Variants in FAM161A observed in about 807,000 individuals in gnomAD.
FAM161A encodes the protein protein FAM161A.
Under a neutral mutation model 70.9 loss-of-function variants are expected in FAM161A, and 57 were observed. That is an observed-to-expected ratio of 0.80 (90% CI 0.65 to 1.00). The LOEUF is 1.00. FAM161A is among the 50% of genes least tolerant of loss of function. The pLI is 0.00. For missense variants in FAM161A, 880 were observed against 836.0 expected (o/e 1.05, Z -0.65); for synonymous variants, 299 against 295.7 (o/e 1.01, Z -0.12).
the FAM161A span, among the ~76,000 whole-genome samples, chr2:61,807,061 T>C: frequency 6.6e-6 from 1 of 152,198 alleles, no homozygotes; most frequent in Non-Finnish European, 1.5e-5. Flanking sequence ...TTATCTAAGA[T>C]GATTTTCACA....
the FAM161A span, among the ~76,000 whole-genome samples, chr2:61,804,832 A>C: frequency 6.9e-6 from 1 of 145,674 alleles, no homozygotes; most frequent in Non-Finnish European, 1.5e-5. Flanking sequence ...AAGAGAAAGA[A>C]AGAAGGAAGC....
rs752470299 is a variant in FAM161A, at chr2:61,853,865, C to A, written c.177G>T (p.Gly59=). The A allele has an allele frequency of 3.1e-6, 5 of 1,613,930 alleles. No individual in the cohort carries two copies. The highest frequency in any genetic ancestry group is 3.3e-4 in the Middle Eastern group (2 of 6,062). The change falls in exon 1 of 7, where the codon GGG becomes GGT. Residue 59 remains glycine (G), a synonymous_variant. Coordinates refer to ENST00000404929, the MANE Select transcript of FAM161A (RefSeq NM_001201543.2). The part of the protein sequence containing the change: ...EEEEKVAQPA[G]ASADLNTSFS... ...AGTCCCGCCCCAGTATTACCGATGC[C>A]CCAGCGGGCTGAGCCACTTTCTCCT...
downstream of FAM161A, among the ~76,000 whole-genome samples, chr2:61,820,809 G>A (rs1672187402): frequency 1.3e-5 from 2 of 152,162 alleles, no homozygotes; most frequent in Non-Finnish European, 2.9e-5. Flanking sequence ...GATAATTCTT[G>A]ACATTAGGTG....
At chr2:61,814,894 A>G in the FAM161A span, among the ~76,000 whole-genome samples, 1 of 152,150 alleles carries the variant, frequency 6.6e-6, no homozygotes, top group Non-Finnish European at 1.5e-5. Flanking sequence ...CCCCTTCTTA[A>G]GAAATACAGT....
At chr2:61,847,424 C>T (rs11125897) in intron 1 of FAM161A, among the ~76,000 whole-genome samples, 55,314 of 151,980 alleles carry the variant, frequency 0.36, 10,822 homozygotes, top group East Asian at 0.7. Context: ...TCCTACATAT[C>T]TGTACTTGAT....
chr2:61,833,517 AACTGTGATAGAGCTG>A (rs1672661590), intron 5 of FAM161A, among the ~76,000 whole-genome samples: 1 of 152,140 alleles, frequency 6.6e-6, no homozygotes, highest in Non-Finnish European at 1.5e-5. Context: ...ATTCCGATCT[AACTGTGATAGAGCTG>A]ACTGGGAAAC....
At chr2:61,806,275 C>G in the FAM161A span, among the ~76,000 whole-genome samples, 1 of 152,138 alleles carries the variant, frequency 6.6e-6, no homozygotes, top group Admixed American at 6.6e-5. Flanking sequence ...TAGAACCATT[C>G]TTTTGAGGGC....
At chr2:61,834,212 A>G (rs1368534115) in intron 5 of FAM161A, among the ~76,000 whole-genome samples, 1 of 152,184 alleles carries the variant, frequency 6.6e-6, no homozygotes, top group Non-Finnish European at 1.5e-5. Flanking sequence ...CAATATGGAT[A>G]CAGCTGGAAG....
chr2:61,803,165 C>A, the FAM161A span: 85 of 495,652 alleles, frequency 1.7e-4, 1 homozygote, highest in Non-Finnish European at 2.6e-4. Context: ...GTCCTTCATC[C>A]CGGGAAGGCA....
Position 61,825,337 on chromosome 2 carries a change from A to C in FAM161A, c.*1118T>G, listed in dbSNP as rs536906302. On this transcript the variant is annotated 3_prime_UTR_variant, in exon 7 of 7. Coordinates refer to ENST00000404929, the MANE Select transcript of FAM161A (RefSeq NM_001201543.2). ...ACTGGGTCTAGCAGTGAAGAGTTAA[A>C]TCTGAATTACTTTGGAGACTTGCCC... 21 of 454,242 alleles carry C rather than the reference A, an allele frequency of 4.6e-5. No homozygotes were observed. The highest frequency in any genetic ancestry group is 3.6e-4 in the African/African-American group (18 of 50,130). The allele number at this position is 454,242 out of a possible 1,614,324, so 28.1% of individuals were successfully genotyped here. A position where few individuals can be genotyped will look rare whatever the true frequency, so the allele number is the denominator to read the frequency against.
chr2:61,804,576 A>T, the FAM161A span, among the ~76,000 whole-genome samples: 3 of 151,476 alleles, frequency 2.0e-5, no homozygotes, highest in Admixed American at 2.0e-4. Context: ...TCCCAACTAC[A>T]TGGGAGGCTG....
intron 5 of FAM161A, among the ~76,000 whole-genome samples, chr2:61,830,608 C>A (rs1381054818): frequency 6.9e-6 from 1 of 145,296 alleles, no homozygotes; most frequent in East Asian, 2.0e-4. Flanking sequence ...CACTTGAACC[C>A]AGGAGGCAGA....
the FAM161A span, among the ~76,000 whole-genome samples, chr2:61,800,325 A>G: frequency 6.6e-6 from 1 of 152,238 alleles, no homozygotes; most frequent in Non-Finnish European, 1.5e-5. Flanking sequence ...GTCTGCATGC[A>G]TGTAAACAGA....
At chr2:61,836,559 T>C (rs1672781892) in intron 4 of FAM161A, 2 of 156,420 alleles carry the variant, frequency 1.3e-5, no homozygotes, top group East Asian at 3.8e-4. Flanking sequence ...TTTTTATTAT[T>C]ATTTTATTGT....
chr2:61,819,838 ATCT>A, the FAM161A span, among the ~76,000 whole-genome samples: 2 of 152,150 alleles, frequency 1.3e-5, no homozygotes, highest in South Asian at 2.1e-4. Flanking sequence ...GAAGTATACC[ATCT>A]TCTTTTTATT....
chr2:61,836,970 A>G, intron 4 of FAM161A: 1 of 157,710 alleles, frequency 6.3e-6, no homozygotes. Flanking sequence ...GGCTCAAATG[A>G]TCCTCCCACC....
chr2:61,815,436 C>T, the FAM161A span, among the ~76,000 whole-genome samples: 2 of 151,614 alleles, frequency 1.3e-5, no homozygotes, highest in South Asian at 4.2e-4. Flanking sequence ...CTGTGTTGCC[C>T]CAGGAAAGTG....
Position 61,827,176 on chromosome 2 carries a change from T to A in FAM161A, c.1934A>T (p.Lys645Ile), listed in dbSNP as rs1672399347. ...LGISDEFVSK[K>I]GQSGKVLEYF... ...CTCAAGTACTTTTCCACTTTGGCCT[T>A]TCTTTGAAACAAACTCATCAGATAT... The change falls in exon 6 of 7, where the codon AAA becomes ATA. Residue 645 changes from lysine to isoleucine, a missense_variant. Physicochemically the swap from Lys to Ile is moderately radical, Grantham distance 102. Coordinates refer to ENST00000404929, the MANE Select transcript of FAM161A (RefSeq NM_001201543.2). The A allele has an allele frequency of 6.2e-7, 1 of 1,614,024 alleles. No individual in the cohort carries two copies. Among genetic ancestry groups the A allele is most frequent in the Non-Finnish European group, 8.5e-7 (1 of 1,179,988 alleles).
chr2:61,832,151 G>A lies in FAM161A; in HGVS notation c.1851+3859C>T, dbSNP rs184501071. Among the ~76,000 whole-genome samples the A allele has an allele frequency of 2.5e-3, 373 of 151,800 alleles. 2 individuals carry two copies. Among genetic ancestry groups the A allele is most frequent in the African/African-American group, 8.5e-3 (354 of 41,416 alleles). ...TCCTAACTACTTGGGAGGCTGAGGT[G>A]GGAAGATTGCCTGAGCCCAAGGGGT... On this transcript the variant is annotated intron_variant, in intron 5 of 6. Coordinates refer to ENST00000404929, the MANE Select transcript of FAM161A (RefSeq NM_001201543.2).
Sources: gnomAD v4.1 joint callset for allele counts (sites outside exome capture counted in the v4.1 genomes callset) on GRCh38, gnomAD v4.1.1 for gene constraint, MANE v1.5 for transcripts, NCBI Gene and HGNC (gene_info 2026-07-23, HGNC 2026-07-21) for gene names.